SLC1A7: variants seen among roughly 807,000 people sequenced by gnomAD.
The protein encoded by SLC1A7 is solute carrier family 1 member 7, also known as excitatory amino acid transporter 5.
In SLC1A7, 40 loss-of-function variants were observed where a neutral mutation model predicts 47.7. That is an observed-to-expected ratio of 0.84 (90% CI 0.65 to 1.09). The LOEUF (loss-of-function observed/expected upper bound fraction) is 1.09. SLC1A7 is among the 50% of genes least tolerant of loss of function. The probability of loss-of-function intolerance (pLI) is 0.00; values close to 1 mark genes in which losing one functional copy is unlikely to be tolerated. For missense variants in SLC1A7, 746 were observed against 769.5 expected (o/e 0.97, Z 0.36); for synonymous variants, 323 against 325.6 (o/e 0.99, Z 0.09).
rs1263911084 is a variant in SLC1A7, at chr1:53,089,903, C to T, written c.1258G>A (p.Ala420Thr). 1 of 1,613,564 alleles carries T rather than the reference C, an allele frequency of 6.2e-7. No homozygotes were observed. The highest frequency in any genetic ancestry group is 1.7e-5 in the Admixed American group (1 of 59,980). Residue 420 changes from alanine (A) to threonine (T), a missense_variant, in exon 9 of 11, where the codon GCT becomes ACT. Coordinates refer to ENST00000371494, the MANE Select transcript of SLC1A7 (RefSeq NM_006671.6). ...ACGAGGCCGGCCTGGGGGATGCCAG[C>T]TGCCCCAATGCTGGCTGCAGTGGCT... is the stretch of plus-strand genomic sequence containing the variant. ...ITATAASIGA[A>T]GIPQAGLVTM... is the part of the protein sequence containing the mutation.
In SLC1A7 at chr1:53,129,869, T is replaced by C. The variant is rs1293491722; in HGVS notation, c.215+4481A>G. Among the ~76,000 whole-genome samples, 6 of 149,704 alleles carry C rather than the reference T, an allele frequency of 4.0e-5. 1 individual carries two copies. Among genetic ancestry groups the C allele is most frequent in the African/African-American group, 1.5e-4 (6 of 40,628 alleles). ...GTGAAAGACAAGGGGGTCAATGACC[T>C]GATCCCCTCCTGGGATCTCAGAAAA... On this transcript the variant is annotated intron_variant, in intron 2 of 10. Transcript: ENST00000371494.
chr1:53,128,274 A>G (rs1443173486), intron 2 of SLC1A7, among the ~76,000 whole-genome samples: 1 of 152,182 alleles, frequency 6.6e-6, no homozygotes, highest in East Asian at 1.9e-4. Flanking sequence ...CAGGAATTCA[A>G]GGCCAGCCTT....
chr1:53,111,681 A>C (rs1644702617), intron 3 of SLC1A7, among the ~76,000 whole-genome samples: 1 of 152,246 alleles, frequency 6.6e-6, no homozygotes, highest in Non-Finnish European at 1.5e-5. Context: ...TGGAGAAATC[A>C]AGAGTTGAGC....
At chr1:53,089,692 C>A in intron 9 of SLC1A7, 108 bp downstream of exon 9, 1 of 1,225,784 alleles carries the variant, frequency 8.2e-7, no homozygotes, top group Non-Finnish European at 1.2e-6. Context: ...GCGGGGCAGT[C>A]CCCAGCCTTC....
At chr1:53,095,505 TCA>T (rs1004409342) in intron 5 of SLC1A7, among the ~76,000 whole-genome samples, 5 of 140,592 alleles carry the variant, frequency 3.6e-5, no homozygotes, top group African/African-American at 1.4e-4. Flanking sequence ...CTCGGTACAC[TCA>T]CACACTCTGC....
intron 1 of SLC1A7, among the ~76,000 whole-genome samples, chr1:53,138,247 T>C (rs1227839406): frequency 6.6e-6 from 1 of 152,188 alleles, no homozygotes; most frequent in African/African-American, 2.4e-5. Flanking sequence ...TCAGTTTATC[T>C]CCACTTTTTG....
intron 3 of SLC1A7, among the ~76,000 whole-genome samples, chr1:53,108,788 T>C (rs1325334988): frequency 1.3e-5 from 2 of 152,178 alleles, no homozygotes; most frequent in African/African-American, 2.4e-5. Flanking sequence ...TCTGGACTGT[T>C]CTTCAGGAAC....
At chr1:53,125,041 A>G (rs115535739) in intron 2 of SLC1A7, among the ~76,000 whole-genome samples, 3,175 of 152,274 alleles carry the variant, frequency 0.021, 103 homozygotes, top group African/African-American at 0.072. Context: ...CTCGGGGAAG[A>G]ATGGGAAAGT....
At chr1:53,097,344 T>C (rs1252721813) in intron 5 of SLC1A7, among the ~76,000 whole-genome samples, 1 of 144,234 alleles carries the variant, frequency 6.9e-6, no homozygotes, top group Non-Finnish European at 1.5e-5. Context: ...ACAACCTGCC[T>C]CCGTGTACTC....
intron 3 of SLC1A7, among the ~76,000 whole-genome samples, chr1:53,112,766 C>T (rs1644713602): frequency 6.6e-6 from 1 of 152,148 alleles, no homozygotes; most frequent in Admixed American, 6.5e-5. Context: ...GGTGAGGTGA[C>T]CCCAGCAGAG....
intron 2 of SLC1A7, among the ~76,000 whole-genome samples, chr1:53,129,978 G>T (rs1269767381): frequency 6.6e-6 from 1 of 152,158 alleles, no homozygotes; most frequent in East Asian, 1.9e-4. Context: ...TGTTCAGTGA[G>T]ATGAGTGGCT....
At chr1:53,135,427 A>G (rs1644982278) in intron 1 of SLC1A7, among the ~76,000 whole-genome samples, 2 of 151,948 alleles carry the variant, frequency 1.3e-5, no homozygotes, top group Admixed American at 1.3e-4. Flanking sequence ...AAATGCTGAG[A>G]GAGAGAGGAT....
intron 1 of SLC1A7, among the ~76,000 whole-genome samples, chr1:53,135,009 G>A (rs1485734597): frequency 3.3e-5 from 5 of 152,078 alleles, no homozygotes; most frequent in East Asian, 1.9e-4. Flanking sequence ...GCGAAATGGC[G>A]GATAAGGGGG....
intron 5 of SLC1A7, among the ~76,000 whole-genome samples, chr1:53,094,256 G>C (rs1467360634): frequency 1.3e-5 from 2 of 152,224 alleles, no homozygotes; most frequent in African/African-American, 4.8e-5. Flanking sequence ...GTGAGGACTA[G>C]GGCCTTTCCT....
chr1:53,090,624 A>C lies in SLC1A7; in HGVS notation c.1214T>G (p.Ile405Ser). The change falls in exon 8 of 11, where the codon ATC becomes AGC. Residue 405 changes from isoleucine to serine, a missense_variant. Transcript: ENST00000371494. ...VNNYELDFGQ[I>S]ITISITATAA... Reference sequence around the variant, plus strand: ...TGTCAGGGTGCACCTGATGGTGATGATCTGGCCAAAGTCCAGCTCGTAGTT... The same window carrying C: ...TGTCAGGGTGCACCTGATGGTGATGCTCTGGCCAAAGTCCAGCTCGTAGTT... 6.3e-7 allele frequency: 1 copy of C among 1,591,986 alleles called. No homozygotes were observed. The highest frequency in any genetic ancestry group is 8.6e-7 in the Non-Finnish European group (1 of 1,165,704).
At position 53,114,869 on chromosome 1, in the gene SLC1A7, C is replaced by T. The variant is rs1572330284; in HGVS notation, c.320G>A (p.Gly107Asp). 1 of 1,614,040 alleles carries T rather than the reference C, an allele frequency of 6.2e-7. No homozygotes were observed. The highest frequency in any genetic ancestry group is 8.5e-7 in the Non-Finnish European group (1 of 1,180,012). ...LWTTFMAVIV[G>D]IFMVSIIHPG... ...GTGGATGATGGAGACCATGAAGATG[C>T]CCACGATGACAGCCATGAAGGTGGT... is the stretch of plus-strand genomic sequence containing the variant. The change falls in exon 3 of 11, where the codon GGC (glycine) becomes GAC (aspartate). Residue 107 changes from glycine (G) to aspartate (D), a missense_variant. Coordinates refer to ENST00000371494, the MANE Select transcript of SLC1A7 (RefSeq NM_006671.6).
intron 5 of SLC1A7, among the ~76,000 whole-genome samples, chr1:53,101,651 A>G (rs1231057627): frequency 6.8e-6 from 1 of 146,450 alleles, no homozygotes. Flanking sequence ...GCCTCGGTAC[A>G]CTCACACTCC....
chr1:53,094,210 G>C (rs1185265200), intron 5 of SLC1A7, among the ~76,000 whole-genome samples: 4 of 152,224 alleles, frequency 2.6e-5, no homozygotes, highest in Admixed American at 2.0e-4. Context: ...CATCTCCTTA[G>C]CTGGAGCATG....
chr1:53,126,025 A>C (rs1445773514), intron 2 of SLC1A7, among the ~76,000 whole-genome samples: 1 of 152,230 alleles, frequency 6.6e-6, no homozygotes, highest in Non-Finnish European at 1.5e-5. Flanking sequence ...AAAATCTCTT[A>C]AGTTGCCCAT....
Sources: gnomAD v4.1 joint callset for allele counts (sites outside exome capture counted in the v4.1 genomes callset) on GRCh38, gnomAD v4.1.1 for gene constraint, MANE v1.5 for transcripts, NCBI Gene and HGNC (gene_info 2026-07-23, HGNC 2026-07-21) for gene names.